ST6GALNAC2: variants seen among roughly 807,000 people sequenced by gnomAD.
The protein encoded by ST6GALNAC2 is alpha-N-acetylgalactosaminide alpha-2,6-sialyltransferase 2.
A neutral mutation model predicts 38.7 loss-of-function variants in ST6GALNAC2; 42 were observed. The observed-to-expected ratio is 1.09, with a 90% confidence interval of 0.85 to 1.40. The LOEUF is 1.40. Among genes scored for constraint, ST6GALNAC2 ranks in the 40% most tolerant of loss-of-function variants. The probability of loss-of-function intolerance (pLI) is 0.00; values close to 1 mark genes in which losing one functional copy is unlikely to be tolerated. For synonymous variants in ST6GALNAC2, 233 were observed against 209.0 expected, an observed-to-expected ratio of 1.11 and a Z score of -0.99; for missense variants, 506 against 481.7, an observed-to-expected ratio of 1.05 and a Z score of -0.47.
At chr17:76,567,932 C>T (rs1055847850) in intron 7 of ST6GALNAC2, 4 of 267,142 alleles carry the variant, frequency 1.5e-5, no homozygotes, top group Non-Finnish European at 3.0e-5. Context: ...TGTGACCGGA[C>T]CCACACAGTC....
intron 1 of ST6GALNAC2, among the ~76,000 whole-genome samples, chr17:76,579,429 A>T (rs780551542): frequency 6.6e-6 from 1 of 152,210 alleles, no homozygotes; most frequent in South Asian, 2.1e-4. Flanking sequence ...CATCTGAAGG[A>T]TCTCCCTGAC....
Position 76,566,210 on chromosome 17 carries a change from C to A in ST6GALNAC2, c.1019G>T (p.Arg340Leu). 6.2e-7 allele frequency: 1 copy of A among 1,614,084 alleles called. No homozygotes were observed. Among genetic ancestry groups the A allele is most frequent in the African/African-American group, 1.3e-5 (1 of 75,024 alleles). ...YWKFSDHYFE[R>L]KMKPLIFYAN... ...ATAAAATATCAATGGCTTCATTTTT[C>A]GTTCGAAATAGTGGTCGGAAAATTT... Residue 340 changes from arginine (R) to leucine (L), a missense_variant, in exon 9 of 9, where the codon CGA becomes CTA. Transcript: ENST00000225276.
chr17:76,568,427 A>C, intron 7 of ST6GALNAC2: 1 of 402,110 alleles, frequency 2.5e-6, no homozygotes, highest in Non-Finnish European at 4.6e-6. Flanking sequence ...GCTGCTGTGC[A>C]CCTTATGGTC....
Position 76,565,469 on chromosome 17 carries a change from G to A in ST6GALNAC2, c.*635C>T, listed in dbSNP as rs2075267195. 1 of 151,498 alleles carries A rather than the reference G, an allele frequency of 6.6e-6. No individual in the cohort carries two copies. Among genetic ancestry groups the A allele is most frequent in the South Asian group, 2.1e-4 (1 of 4,792 alleles). 9.4% of individuals were successfully genotyped at this position (151,498 alleles called of 1,614,324 possible). On this transcript the variant is annotated 3_prime_UTR_variant, in exon 9 of 9. Transcript: ENST00000225276. Reference sequence around the variant, plus strand: ...ATGGGACTTCCCTCAGTGGCAGGCAGGCTGCCAAGCAACTAACCCCCATCA... The same window carrying A: ...ATGGGACTTCCCTCAGTGGCAGGCAAGCTGCCAAGCAACTAACCCCCATCA...
intron 1 of ST6GALNAC2, among the ~76,000 whole-genome samples, chr17:76,581,876 ATTTT>A (rs1199178067): frequency 6.6e-6 from 1 of 151,476 alleles, no homozygotes; most frequent in East Asian, 1.9e-4. Flanking sequence ...TTTTATTTTT[ATTTT>A]TTTTAAGATG....
chr17:76,583,351 G>A (rs1269020088), intron 1 of ST6GALNAC2, among the ~76,000 whole-genome samples: 1 of 147,590 alleles, frequency 6.8e-6, no homozygotes, highest in African/African-American at 2.5e-5. Flanking sequence ...ACTCCAGCCT[G>A]GGCGACAGAG....
chr17:76,585,756 G>A lies in ST6GALNAC2; in HGVS notation c.53C>T (p.Ala18Val). 6.4e-7 allele frequency: 1 copy of A among 1,551,186 alleles called. No homozygotes were observed. The highest frequency in any genetic ancestry group is 8.7e-7 in the Non-Finnish European group (1 of 1,150,770). Residue 18 changes from alanine to valine, a missense_variant, in exon 1 of 9, where the codon GCC becomes GTC. Coordinates refer to ENST00000225276, the MANE Select transcript of ST6GALNAC2 (RefSeq NM_006456.3). ...FFWLLLLLTA[A>V]CSGLLFALYF... ...CAGGGCAAAGAGGAGCCCCGAGCAGGCAGCCGTGAGCAGGAGCAGCAGCCA... is the reference window on the plus strand; with the variant it reads ...CAGGGCAAAGAGGAGCCCCGAGCAGACAGCCGTGAGCAGGAGCAGCAGCCA...
chr17:76,573,159 T>TACCAG lies in ST6GALNAC2; in HGVS notation c.530+35_530+36insCTGGT. ...GACACCCCCACCCTCCAGGCAACTCTCCCTCCCGCCCCTCCCCAGCTCCTA... is the reference window on the plus strand; with the variant it reads ...GACACCCCCACCCTCCAGGCAACTCTACCAGCCCTCCCGCCCCTCCCCAGCTCCTA... On this transcript the variant is annotated intron_variant, in intron 4 of 8. Transcript: ENST00000225276. This position sits in a 1 kb window ranked among gnomAD's most constrained non-coding sequence, Gnocchi z 5.1. 6.5e-7 allele frequency: 1 copy of TACCAG among 1,530,324 alleles called. No homozygotes were observed. Among genetic ancestry groups the TACCAG allele is most frequent in the East Asian group, 2.3e-5 (1 of 44,142 alleles). The allele number at this position is 1,530,324 out of a possible 1,614,324, so 94.8% of individuals were successfully genotyped here.
At chr17:76,567,612 A>G in intron 7 of ST6GALNAC2, 60 bp from the exon 8 acceptor site, 1 of 1,133,436 alleles carries the variant, frequency 8.8e-7, no homozygotes, top group South Asian at 1.2e-5. Context: ...ACACTTCACA[A>G]CTACACATTC....
chr17:76,575,395 ATTAG>A (rs2075404325), intron 2 of ST6GALNAC2, among the ~76,000 whole-genome samples: 1 of 152,152 alleles, frequency 6.6e-6, no homozygotes, highest in Non-Finnish European at 1.5e-5. Context: ...TGGAGATGGA[ATTAG>A]TTAGGAGGAG....
At position 76,570,792 on chromosome 17, in the gene ST6GALNAC2, A is replaced by G. The variant is rs2075344925; in HGVS notation, c.670-124T>C. On this transcript the variant is annotated intron_variant, in intron 5 of 8. Transcript: ENST00000225276. ...GGAGAATTTCCCTTAAATACCTTTC[A>G]TTCCCACCCAGAGGTGCTGTACTGG... is the stretch of plus-strand genomic sequence containing the variant. 18 of 709,508 alleles carry G rather than the reference A, an allele frequency of 2.5e-5. No homozygotes were observed. In the South Asian group the frequency reaches 3.0e-4, roughly 12 times the overall value. 44.0% of individuals were successfully genotyped at this position (709,508 alleles called of 1,614,324 possible).
In ST6GALNAC2 at chr17:76,573,215, A is replaced by T. The variant is rs1472689077; in HGVS notation, c.510T>A (p.Asp170Glu). 6.5e-7 allele frequency: 1 copy of T among 1,526,804 alleles called. No individual in the cohort carries two copies. The highest frequency in any genetic ancestry group is 1.1e-5 in the South Asian group (1 of 89,858). 94.6% of individuals were successfully genotyped at this position (1,526,804 alleles called of 1,614,324 possible). The change falls in exon 4 of 9, where the codon GAT becomes GAA. Residue 170 changes from aspartate to glutamate, a missense_variant. Transcript: ENST00000225276. This position sits in a 1 kb window ranked among gnomAD's most constrained non-coding sequence, Gnocchi z 5.1. ...LNGSRQGPNI[D>E]AHDYVFRLNG... ...CATACCTGAATACATAGTCATGGGC[A>T]TCGATGTTGGGACCCTGGCGGGACC...
chr17:76,570,728 T>A, intron 5 of ST6GALNAC2, 60 bp from the exon 6 acceptor site: 1 of 1,334,576 alleles, frequency 7.5e-7, no homozygotes, highest in Non-Finnish European at 1.1e-6. Context: ...CTCCTCAGTG[T>A]GGACAGCCCT....
chr17:76,582,623 C>A lies in ST6GALNAC2; in HGVS notation c.125+3061G>T, dbSNP rs571382848. ...AATGCCCATGTGGGGACCCACTGAT[C>A]CAGATTCTGCCATGAGGAAATGCCC... On this transcript the variant is annotated intron_variant, in intron 1 of 8. Transcript: ENST00000225276. Among the ~76,000 whole-genome samples the A allele has an allele frequency of 1.2e-3, 184 of 152,358 alleles. 1 individual carries two copies. The highest frequency in any genetic ancestry group is 4.0e-3 in the African/African-American group (167 of 41,582).
At chr17:76,581,211 C>T (rs1196184323) in intron 1 of ST6GALNAC2, among the ~76,000 whole-genome samples, 2 of 152,158 alleles carry the variant, frequency 1.3e-5, no homozygotes, top group Admixed American at 6.5e-5. Flanking sequence ...TTCCCCCATC[C>T]CTCCCTTGCC....
rs1188004404 is a variant in ST6GALNAC2 at position 76,583,614 on chromosome 17, T to C, written c.125+2070A>G. Among the ~76,000 whole-genome samples, 76 of 151,272 alleles carry C rather than the reference T, an allele frequency of 5.0e-4. 1 individual carries two copies. The East Asian group carries it at 0.014, about 28-fold the overall frequency. ...ATTTGGTGAAGGCCTTTTTTTTTTT[T>C]TTTTCTTTTCTGCTCCTTGTGGAGC... On this transcript the variant is annotated intron_variant, in intron 1 of 8. Coordinates refer to ENST00000225276, the MANE Select transcript of ST6GALNAC2 (RefSeq NM_006456.3).
chr17:76,566,377 G>A (rs1304328384), intron 8 of ST6GALNAC2, 106 bp from the exon 9 acceptor site: 2 of 1,245,548 alleles, frequency 1.6e-6, no homozygotes, highest in African/African-American at 3.0e-5. Flanking sequence ...GCTGAGGTGA[G>A]GATAATGGTC....
chr17:76,575,221 C>T (rs1010611714), intron 2 of ST6GALNAC2, among the ~76,000 whole-genome samples: 1 of 152,170 alleles, frequency 6.6e-6, no homozygotes, highest in Non-Finnish European at 1.5e-5. Context: ...GGATGCAAAA[C>T]CCTAACCCTA....
chr17:76,574,416 G>T lies in ST6GALNAC2; in HGVS notation c.310C>A (p.Arg104Ser), dbSNP rs149022507. The T allele has an allele frequency of 8.1e-6, 13 of 1,613,746 alleles. No homozygotes were observed. The South Asian group carries it at 1.4e-4, about 18-fold the overall frequency. Residue 104 changes from arginine (R) to serine (S), a missense_variant, in exon 3 of 9, where the codon CGC (arginine) becomes AGC (serine). Physicochemically the swap from Arg to Ser is moderately radical, Grantham distance 110. Coordinates refer to ENST00000225276, the MANE Select transcript of ST6GALNAC2 (RefSeq NM_006456.3). The part of the protein sequence containing the change: ...GDLFTPALWD[R>S]LSQHKAPYGW... ...TACGGGGCTTTGTGTTGGCTCAGGC[G>T]GTCCCAGAGCGCTGGGGTGAAGAGG...
Sources: allele counts gnomAD v4.1 joint callset (sites outside exome capture counted in the v4.1 genomes callset), GRCh38; gene constraint gnomAD v4.1.1; non-coding constraint Gnocchi (gnomAD v3.1); transcripts MANE v1.5; gene names NCBI Gene and HGNC (gene_info 2026-07-23, HGNC 2026-07-21).